RARB: variants seen among roughly 807,000 people sequenced by gnomAD.
The protein encoded by RARB is retinoic acid receptor beta, also known as HBV-activated protein.
Under a neutral mutation model 51.9 loss-of-function variants are expected in RARB, and 17 were observed. That is an observed-to-expected ratio of 0.33 (90% confidence interval 0.22 to 0.49). The LOEUF (loss-of-function observed/expected upper bound fraction) is 0.49. Among genes scored for constraint, RARB ranks in the 20% least tolerant of loss-of-function variants. The pLI is 0.99. For missense variants in RARB, 369 were observed against 550.8 expected, an observed-to-expected ratio of 0.67 and a Z score of 3.30; for synonymous variants, 215 against 195.4, an observed-to-expected ratio of 1.10 and a Z score of -0.84.
intron 5 of RARB, among the ~76,000 whole-genome samples, chr3:25,389,021 A>G (rs537108250): frequency 6.6e-6 from 1 of 152,326 alleles, no homozygotes; most frequent in Non-Finnish European, 1.5e-5. Flanking sequence ...GGTTGCAAGA[A>G]AGAAGGAAAA....
intron 3 of RARB, among the ~76,000 whole-genome samples, chr3:25,105,895 C>T (rs9877729): frequency 0.31 from 47,059 of 151,964 alleles, 8,099 homozygotes; most frequent in Non-Finnish European, 0.39. Context: ...CATGTATTTC[C>T]CAAGTATAGA....
At chr3:25,527,032 A>G (rs1422141633) in intron 3 of RARB, among the ~76,000 whole-genome samples, 5 of 152,228 alleles carry the variant, frequency 3.3e-5, no homozygotes. Flanking sequence ...ATTCAGTGTC[A>G]GCAGTGGGAA....
intron 5 of RARB, among the ~76,000 whole-genome samples, chr3:25,278,754 C>A (rs1703453052): frequency 6.6e-6 from 1 of 152,250 alleles, no homozygotes; most frequent in South Asian, 2.1e-4. Flanking sequence ...GAGAATTTGG[C>A]CTTGTGAGCA....
rs142658742 is a variant in RARB, at chr3:25,494,250, T to TACACACACACACACACACACACACAC, written c.307-6930_307-6929insACACACACACACACACACACACACAC. Among the ~76,000 whole-genome samples the TACACACACACACACACACACACACAC allele has an allele frequency of 5.1e-3, 697 of 137,132 alleles. 12 individuals carry two copies. The highest frequency in any genetic ancestry group is 0.016 in the African/African-American group (605 of 38,712). 90.0% of individuals were successfully genotyped at this position (137,132 alleles called of 152,430 possible). A position where few individuals can be genotyped will look rare whatever the true frequency, so the allele number is the denominator to read the frequency against. ...TTAGCCCCCTTTTCCAGCTGTATCT[T>TACACACACACACACACACACACACAC]ACGCACACACACACACACACACACA... On this transcript the variant is annotated intron_variant, in intron 2 of 7. Coordinates refer to ENST00000330688, the MANE Select transcript of RARB (RefSeq NM_000965.5).
At chr3:25,225,771 T>G (rs1702043160) in intron 5 of RARB, among the ~76,000 whole-genome samples, 1 of 152,160 alleles carries the variant, frequency 6.6e-6, no homozygotes, top group African/African-American at 2.4e-5. Flanking sequence ...TTGACAGTAG[T>G]CTTTTTCAAT....
chr3:25,323,865 T>C (rs1704637903), intron 5 of RARB, among the ~76,000 whole-genome samples: 1 of 152,184 alleles, frequency 6.6e-6, no homozygotes, highest in Non-Finnish European at 1.5e-5. Context: ...TCAGCTTAAC[T>C]ACAAGTTTAT....
intron 2 of RARB, among the ~76,000 whole-genome samples, chr3:24,905,074 A>G (rs1402848769): frequency 6.6e-6 from 1 of 152,208 alleles, no homozygotes; most frequent in Non-Finnish European, 1.5e-5. Context: ...ACCATGGCAC[A>G]TGTATACCTA....
chr3:25,362,577 C>T (rs565125138), intron 5 of RARB, among the ~76,000 whole-genome samples: 7 of 152,310 alleles, frequency 4.6e-5, no homozygotes, highest in African/African-American at 1.4e-4. Flanking sequence ...CAGTTTTGTG[C>T]TTGAAACCCA....
At chr3:24,853,828 C>A (rs1010223363) in intron 1 of RARB, among the ~76,000 whole-genome samples, 1 of 152,100 alleles carries the variant, frequency 6.6e-6, no homozygotes, top group Non-Finnish European at 1.5e-5. Flanking sequence ...ATTTAATATT[C>A]CCCCAGAAAA....
chr3:25,180,791 G>A (rs1229769678), intron 5 of RARB, among the ~76,000 whole-genome samples: 3 of 152,186 alleles, frequency 2.0e-5, no homozygotes, highest in Non-Finnish European at 2.9e-5. Context: ...AAAAGAGGGA[G>A]AGAGAGAAAG....
intron 5 of RARB, among the ~76,000 whole-genome samples, chr3:25,186,598 G>A (rs1575204658): frequency 6.6e-6 from 1 of 151,998 alleles, no homozygotes; most frequent in Admixed American, 6.6e-5. Context: ...TTATTCATCA[G>A]TGAAAATTTA....
At chr3:25,395,355 A>G (rs1707086634) in intron 5 of RARB, among the ~76,000 whole-genome samples, 1 of 152,194 alleles carries the variant, frequency 6.6e-6, no homozygotes, top group South Asian at 2.1e-4. Context: ...TTGAAGTTAG[A>G]TAACTTGATG....
intron 2 of RARB, among the ~76,000 whole-genome samples, chr3:25,051,920 T>C (rs1396600872): frequency 6.6e-6 from 1 of 152,190 alleles, no homozygotes; most frequent in Non-Finnish European, 1.5e-5. Context: ...ACAAAAGCTA[T>C]GTTATCCTAC....
intron 2 of RARB, among the ~76,000 whole-genome samples, chr3:24,900,119 TAGC>T (rs1451980872): frequency 6.6e-6 from 1 of 152,206 alleles, no homozygotes; most frequent in African/African-American, 2.4e-5. Flanking sequence ...GCAGCAATAA[TAGC>T]AGCATTTGAA....
At chr3:25,322,736 G>A (rs909736911) in intron 5 of RARB, among the ~76,000 whole-genome samples, 1 of 151,892 alleles carries the variant, frequency 6.6e-6, no homozygotes, top group Non-Finnish European at 1.5e-5. Context: ...GTTTTTTTAA[G>A]ATAAACACTA....
chr3:25,421,403 CTTTTTTTT>C (rs766378555), intron 5 of RARB, among the ~76,000 whole-genome samples: 1 of 72,364 alleles, frequency 1.4e-5, no homozygotes, highest in African/African-American at 6.5e-5. Flanking sequence ...TTCTTCTTTT[CTTTTTTTT>C]TTTTTTTTTT....
intron 2 of RARB, among the ~76,000 whole-genome samples, chr3:25,482,922 C>G (rs1238610327): frequency 2.0e-5 from 3 of 152,136 alleles, no homozygotes; most frequent in Non-Finnish European, 4.4e-5. Flanking sequence ...AAAATTATTT[C>G]AACAATTAAT....
intron 1 of RARB, among the ~76,000 whole-genome samples, chr3:24,847,925 A>C (rs1702506107): frequency 6.6e-6 from 1 of 152,230 alleles, no homozygotes; most frequent in South Asian, 2.1e-4. Flanking sequence ...AGCCACTTCA[A>C]CTGTAAGTGG....
chr3:25,205,476 C>G (rs193294437), intron 5 of RARB, among the ~76,000 whole-genome samples: 2 of 152,132 alleles, frequency 1.3e-5, no homozygotes, highest in Admixed American at 6.5e-5. Flanking sequence ...CACCTGGTAC[C>G]TCAGTTGGAA....
Sources: gnomAD v4.1 joint callset for allele counts (sites outside exome capture counted in the v4.1 genomes callset) on GRCh38, gnomAD v4.1.1 for gene constraint, MANE v1.5 for transcripts, NCBI Gene and HGNC (gene_info 2026-07-23, HGNC 2026-07-21) for gene names.